Variants in CAMKMT observed in about 807,000 individuals in gnomAD.
The protein encoded by CAMKMT is calmodulin-lysine N-methyltransferase, also known as CaM KMT.
CAMKMT carries 53 observed loss-of-function variants against 48.0 expected under a neutral mutation model. The ratio of observed to expected loss-of-function variants is 1.10; its 90% confidence interval spans 0.89 to 1.39. CAMKMT has a LOEUF of 1.39. Ranked by LOEUF, CAMKMT falls within the 40% of genes most tolerant of loss-of-function variation. The pLI, the probability that CAMKMT is intolerant of heterozygous loss-of-function variation, is 0.00. For missense variants in CAMKMT, 428 were observed against 402.7 expected (o/e 1.06, Z -0.54); for synonymous variants, 165 against 152.3 (o/e 1.08, Z -0.61).
chr2:44,596,256 C>G (rs754668170), intron 3 of CAMKMT, among the ~76,000 whole-genome samples: 1 of 151,986 alleles, frequency 6.6e-6, no homozygotes, highest in Non-Finnish European at 1.5e-5. Context: ...CGAGACCAGC[C>G]TGGCCAACAT....
chr2:44,709,886 C>G (rs978517868), intron 6 of CAMKMT, among the ~76,000 whole-genome samples: 1 of 152,088 alleles, frequency 6.6e-6, no homozygotes, highest in Non-Finnish European at 1.5e-5. Context: ...GCTAATTATT[C>G]TTAATGGGCA....
At position 44,395,285 on chromosome 2, in the gene CAMKMT, G is replaced by A. The variant is rs928358785; in HGVS notation, c.376+4980G>A. Among the ~76,000 whole-genome samples the A allele has an allele frequency of 2.0e-5, 3 of 151,972 alleles. No individual in the cohort carries two copies. In the East Asian group the frequency reaches 5.8e-4, roughly 29 times the overall value. On this transcript the variant is annotated intron_variant, in intron 3 of 10. Transcript: ENST00000378494. Reference sequence around the variant, plus strand: ...ATATGTATGTGTATATGTATATGTAGTTATATAATGCATATATGTAGCATG... The same window carrying A: ...ATATGTATGTGTATATGTATATGTAATTATATAATGCATATATGTAGCATG...
intron 3 of CAMKMT, among the ~76,000 whole-genome samples, chr2:44,509,883 A>G (rs1296272115): frequency 6.6e-6 from 1 of 152,204 alleles, no homozygotes; most frequent in Non-Finnish European, 1.5e-5. Flanking sequence ...GAAACCAACC[A>G]GTTGTGGCTG....
chr2:44,379,131 C>G (rs763206453), intron 2 of CAMKMT, among the ~76,000 whole-genome samples: 1 of 152,144 alleles, frequency 6.6e-6, no homozygotes, highest in Non-Finnish European at 1.5e-5. Flanking sequence ...TATGTGTTGT[C>G]TGTTCTGGAC....
chr2:44,761,231 A>C (rs1286827466), intron 9 of CAMKMT, among the ~76,000 whole-genome samples: 1 of 152,144 alleles, frequency 6.6e-6, no homozygotes, highest in East Asian at 1.9e-4. Flanking sequence ...AGAGAACTGG[A>C]GGTGAGAGAG....
intron 2 of CAMKMT, among the ~76,000 whole-genome samples, chr2:44,386,829 G>A (rs1680824148): frequency 6.6e-6 from 1 of 152,042 alleles, no homozygotes; most frequent in Admixed American, 6.5e-5. Context: ...TGGTTTTGAA[G>A]GTTCCTTTTG....
chr2:44,744,360 C>G (rs925436588), intron 8 of CAMKMT, among the ~76,000 whole-genome samples: 1 of 152,100 alleles, frequency 6.6e-6, no homozygotes, highest in Admixed American at 6.6e-5. Context: ...TCTATTTTAG[C>G]CCAATCTACT....
At chr2:44,387,294 G>T (rs1001349302) in intron 2 of CAMKMT, among the ~76,000 whole-genome samples, 8 of 152,110 alleles carry the variant, frequency 5.3e-5, no homozygotes, top group Admixed American at 4.6e-4. Context: ...TTTAACTGCT[G>T]TTGCTTTAAG....
chr2:44,589,896 G>A (rs7590239), intron 3 of CAMKMT, among the ~76,000 whole-genome samples: 22,155 of 55,764 alleles, frequency 0.4, 3,836 homozygotes, highest in African/African-American at 0.43. Flanking sequence ...AAAAAAAAAA[G>A]AAAAAAAAAA....
At chr2:44,648,094 G>T (rs1350339794) in intron 3 of CAMKMT, among the ~76,000 whole-genome samples, 1 of 151,954 alleles carries the variant, frequency 6.6e-6, no homozygotes, top group Non-Finnish European at 1.5e-5. Context: ...AATCTTATAT[G>T]TATTGACAGG....
intron 3 of CAMKMT, among the ~76,000 whole-genome samples, chr2:44,537,980 A>G (rs1666874117): frequency 6.6e-6 from 1 of 152,212 alleles, no homozygotes; most frequent in Non-Finnish European, 1.5e-5. Context: ...AAGAAATCAT[A>G]TGAAAAAGGC....
chr2:44,388,702 C>T (rs141176717), intron 2 of CAMKMT, among the ~76,000 whole-genome samples: 1 of 152,078 alleles, frequency 6.6e-6, no homozygotes, highest in Non-Finnish European at 1.5e-5. Context: ...CTGGGTGTTC[C>T]CTTGATGTAG....
At chr2:44,558,896 T>C (rs1388538237) in intron 3 of CAMKMT, among the ~76,000 whole-genome samples, 1 of 152,090 alleles carries the variant, frequency 6.6e-6, no homozygotes, top group African/African-American at 2.4e-5. Flanking sequence ...GAATTACTCA[T>C]GTAACAAACT....
intron 7 of CAMKMT, among the ~76,000 whole-genome samples, chr2:44,740,109 T>C (rs1217024860): frequency 6.6e-6 from 1 of 151,244 alleles, no homozygotes; most frequent in Non-Finnish European, 1.5e-5. Flanking sequence ...ATGGAAGTTC[T>C]TAACTGATTG....
intron 1 of CAMKMT, among the ~76,000 whole-genome samples, chr2:44,371,437 T>C (rs939354033): frequency 6.6e-6 from 1 of 152,218 alleles, no homozygotes; most frequent in Non-Finnish European, 1.5e-5. Flanking sequence ...TTATTATGTG[T>C]TCTTTTTCTG....
At chr2:44,441,438 T>C (rs1265340270) in intron 3 of CAMKMT, among the ~76,000 whole-genome samples, 1 of 152,178 alleles carries the variant, frequency 6.6e-6, no homozygotes, top group African/African-American at 2.4e-5. Flanking sequence ...GAGGAGTCTT[T>C]AGAACTAAGA....
chr2:44,574,233 A>T (rs1669080451), intron 3 of CAMKMT, among the ~76,000 whole-genome samples: 1 of 152,216 alleles, frequency 6.6e-6, no homozygotes, highest in South Asian at 2.1e-4. Context: ...ATTGGGCAAG[A>T]GGCAGAACCA....
intron 3 of CAMKMT, among the ~76,000 whole-genome samples, chr2:44,525,650 G>T (rs796396183): frequency 6.6e-6 from 1 of 152,034 alleles, no homozygotes; most frequent in Non-Finnish European, 1.5e-5. Context: ...TTATACCATC[G>T]TATGTCATGC....
intron 3 of CAMKMT, among the ~76,000 whole-genome samples, chr2:44,424,428 A>G (rs1349896107): frequency 1.3e-5 from 2 of 152,150 alleles, no homozygotes; most frequent in Non-Finnish European, 2.9e-5. Context: ...AGTGGGGGCT[A>G]TGTGACTGAG....
Sources: allele counts gnomAD v4.1 joint callset (sites outside exome capture counted in the v4.1 genomes callset), GRCh38; gene constraint gnomAD v4.1.1; transcripts MANE v1.5; gene names NCBI Gene and HGNC (gene_info 2026-07-23, HGNC 2026-07-21).